Variants in C4orf50 observed in about 807,000 individuals in gnomAD.
C4orf50 encodes uncharacterized protein C4orf50.
In C4orf50, 80 loss-of-function variants were observed where a neutral mutation model predicts 77.2. The ratio of observed to expected loss-of-function variants is 1.04; its 90% confidence interval spans 0.87 to 1.25. The LOEUF (loss-of-function observed/expected upper bound fraction) is 1.25, where lower values mean the gene tolerates loss of function less well. Among genes scored for constraint, C4orf50 ranks in the 50% most tolerant of loss-of-function variants. C4orf50 has a pLI of 0.00. For missense variants in C4orf50, 1,257 were observed against 1,152.9 expected (o/e 1.09, Z -1.31); for synonymous variants, 532 against 465.3 (o/e 1.14, Z -1.84).
At chr4:5,960,891 T>TA (rs1247644252) in intron 33 of C4orf50, among the ~76,000 whole-genome samples, 1 of 152,166 alleles carries the variant, frequency 6.6e-6, no homozygotes, top group Non-Finnish European at 1.5e-5. Flanking sequence ...CTCATGCCTG[T>TA]AATCCCAGCA....
In C4orf50 at chr4:6,001,119, CTG is replaced by C. The variant is rs201367609; in HGVS notation, c.964-6645_964-6644del. 6.8e-4 allele frequency among the ~76,000 whole-genome samples: 104 copies of C among 152,294 alleles called. No homozygotes were observed. In the East Asian group the frequency reaches 0.019, roughly 28 times the overall value. ...TTTCAAGGGCCATGGTTTTAGACTG[CTG>C]GAAGGCAGAATCAGTGATTACCCAA... On this transcript the variant is annotated intron_variant, in intron 25 of 33. Coordinates refer to ENST00000531445, the Ensembl canonical transcript of C4orf50.
intron 7 of C4orf50, among the ~76,000 whole-genome samples, chr4:5,947,013 T>C (rs1040316314): frequency 1.3e-5 from 2 of 152,220 alleles, no homozygotes; most frequent in South Asian, 2.1e-4. Context: ...TCAATAAAGA[T>C]GACAGCCAGG....
intron 7 of C4orf50, among the ~76,000 whole-genome samples, chr4:5,939,110 G>A (rs1208247702): frequency 6.6e-6 from 1 of 152,006 alleles, no homozygotes; most frequent in African/African-American, 2.4e-5. Context: ...GGGTGTTGGC[G>A]GGCACCTATG....
chr4:5,999,828 TA>T (rs1273785453), intron 25 of C4orf50, among the ~76,000 whole-genome samples: 2 of 151,838 alleles, frequency 1.3e-5, no homozygotes, highest in Non-Finnish European at 2.9e-5. Context: ...TCCCAACAAA[TA>T]AAGAGAAAGT....
intron 7 of C4orf50, among the ~76,000 whole-genome samples, chr4:5,949,304 T>C (rs1560558208): frequency 6.6e-6 from 1 of 152,230 alleles, no homozygotes. Flanking sequence ...GTTCACAGAT[T>C]GATGAGTGAA....
rs115742203 is a variant in C4orf50 at position 5,971,437 on chromosome 4, A to G, written c.4104+2222T>C. Among the ~76,000 whole-genome samples the G allele has an allele frequency of 7.5e-3, 1,146 of 151,898 alleles. 7 individuals carry two copies. The highest frequency in any genetic ancestry group is 0.02 in the Middle Eastern group (6 of 294). ...CCCCGACTCCTCCCCTGGGGACCAC[A>G]CTGCAGCCAGCCTGGAGCTCTCTGA... On this transcript the variant is annotated intron_variant, in intron 31 of 33. Transcript: ENST00000531445.
intron 7 of C4orf50, among the ~76,000 whole-genome samples, chr4:5,929,084 G>A (rs1717644297): frequency 6.6e-6 from 1 of 152,134 alleles, no homozygotes; most frequent in African/African-American, 2.4e-5. Context: ...ATGTGAAAAG[G>A]CCACTATTTC....
At chr4:5,954,845 G>C (rs1339791839), downstream of C4orf50, among the ~76,000 whole-genome samples, 2 of 152,152 alleles carry the variant, frequency 1.3e-5, no homozygotes, top group African/African-American at 2.4e-5. This position sits in a 1 kb window ranked among gnomAD's most constrained non-coding sequence, Gnocchi z 4.7. Context: ...CAGTGGAAAG[G>C]ACCAGAGATG....
At chr4:6,001,380 G>A (rs1195901220) in intron 25 of C4orf50, among the ~76,000 whole-genome samples, 2 of 152,214 alleles carry the variant, frequency 1.3e-5, no homozygotes, top group Non-Finnish European at 2.9e-5. Context: ...TTTAGGTCAG[G>A]AGTTCGTGTT....
At chr4:6,005,968 G>A (rs573307151) in intron 25 of C4orf50, among the ~76,000 whole-genome samples, 1 of 152,294 alleles carries the variant, frequency 6.6e-6, no homozygotes, top group African/African-American at 2.4e-5. Context: ...AAAGTCTTAC[G>A]TTTAGGAAAA....
intron 7 of C4orf50, among the ~76,000 whole-genome samples, chr4:5,921,940 G>A (rs1233762514): frequency 6.6e-6 from 1 of 152,160 alleles, no homozygotes; most frequent in Non-Finnish European, 1.5e-5. Flanking sequence ...ACAAAAAGCA[G>A]CAGAGTGTCT....
chr4:5,947,877 C>G (rs1168583605), intron 7 of C4orf50, among the ~76,000 whole-genome samples: 2 of 152,206 alleles, frequency 1.3e-5, no homozygotes, highest in Non-Finnish European at 2.9e-5. Flanking sequence ...AAAGTGGGAG[C>G]TGTCAGCCCA....
At chr4:5,910,188 A>C (rs375581653) in intron 7 of C4orf50, among the ~76,000 whole-genome samples, 1 of 152,214 alleles carries the variant, frequency 6.6e-6, no homozygotes, top group African/African-American at 2.4e-5. Context: ...ACACAGAGAA[A>C]CATACATAAA....
rs1322711204 is a variant in C4orf50, at chr4:5,908,794, A to G, written c.*2475-10606T>C. On this transcript the variant is annotated intron_variant, in intron 7 of 7. Coordinates refer to the C4orf50 transcript ENST00000324058. This position sits in a 1 kb window ranked among gnomAD's most constrained non-coding sequence, Gnocchi z 5.6. ...GATGCACAGGGGATGTGGGAAGGTCATACTTGGGGACCATTTTGTCACTGC... is the reference window on the plus strand; with the variant it reads ...GATGCACAGGGGATGTGGGAAGGTCGTACTTGGGGACCATTTTGTCACTGC... 6.6e-6 allele frequency among the ~76,000 whole-genome samples: 1 copy of G among 152,200 alleles called. No individual in the cohort carries two copies. The highest frequency in any genetic ancestry group is 1.5e-5 in the Non-Finnish European group (1 of 68,030).
chr4:5,918,696 T>C (rs75371405), intron 7 of C4orf50, among the ~76,000 whole-genome samples: 7,911 of 152,238 alleles, frequency 0.052, 339 homozygotes, highest in African/African-American at 0.11. Flanking sequence ...CCCAAAGGCA[T>C]ACTAAGGAAA....
chr4:5,909,345 T>TA (rs1716694139), intron 7 of C4orf50, among the ~76,000 whole-genome samples: 1 of 152,232 alleles, frequency 6.6e-6, no homozygotes, highest in Admixed American at 6.5e-5. Flanking sequence ...TTGCCCATTT[T>TA]AAAATCAGAT....
chr4:5,946,341 T>C (rs538401019), intron 7 of C4orf50, among the ~76,000 whole-genome samples: 6 of 152,294 alleles, frequency 3.9e-5, no homozygotes, highest in African/African-American at 1.4e-4. Context: ...CCCCTAGACC[T>C]TCAATGCACC....
At chr4:5,965,029 G>C in exon 33 of C4orf50, 1 of 1,612,440 alleles carries the variant, frequency 6.2e-7, no homozygotes, top group East Asian at 2.2e-5. Context: ...CTCACCTTCA[G>C]AGAATCCAGT....
chr4:5,948,913 A>G (rs1718602859), intron 7 of C4orf50, among the ~76,000 whole-genome samples: 1 of 146,254 alleles, frequency 6.8e-6, no homozygotes, highest in Non-Finnish European at 1.5e-5. Flanking sequence ...GTGAGCCAAG[A>G]TTGCACCATT....
Sources: gnomAD v4.1 joint callset for allele counts (sites outside exome capture counted in the v4.1 genomes callset) on GRCh38, gnomAD v4.1.1 for gene constraint, Gnocchi (gnomAD v3.1) non-coding constraint, MANE v1.5 for transcripts, NCBI Gene and HGNC (gene_info 2026-07-23, HGNC 2026-07-21) for gene names.